Variants in ZNF445 observed in about 807,000 individuals in gnomAD.
ZNF445 encodes the protein zinc finger protein 445.
A neutral mutation model predicts 93.9 loss-of-function variants in ZNF445; 19 were observed. That is an observed-to-expected ratio of 0.20 (90% CI 0.14 to 0.30). ZNF445 has a LOEUF of 0.30. Ranked by LOEUF, ZNF445 falls within the 10% of genes least tolerant of loss-of-function variation. The pLI, the probability that ZNF445 is intolerant of heterozygous loss-of-function variation, is 1.00. For synonymous variants in ZNF445, 449 were observed against 446.3 expected (o/e 1.01, Z -0.08); for missense variants, 1,058 against 1,259.4 (o/e 0.84, Z 2.42).
In ZNF445 at chr3:44,477,614, T is replaced by G. The variant is rs1698386388; in HGVS notation, c.-292A>C. On this transcript the variant is annotated 5_prime_UTR_variant, in exon 1 of 8. Coordinates refer to ENST00000396077, the MANE Select transcript of ZNF445 (RefSeq NM_181489.6). Reference sequence around the variant, plus strand: ...ACCGACTCCCGCCGCCGAGCGACAATCGGTCCACCCGCCGCCACCGCAGCC... The same window carrying G: ...ACCGACTCCCGCCGCCGAGCGACAAGCGGTCCACCCGCCGCCACCGCAGCC... 1 of 149,642 alleles carries G rather than the reference T, an allele frequency of 6.7e-6. No individual in the cohort carries two copies. The highest frequency in any genetic ancestry group is 2.5e-5 in the African/African-American group (1 of 40,578). 9.3% of individuals were successfully genotyped at this position (149,642 alleles called of 1,614,324 possible).
In ZNF445 at chr3:44,445,296, A is replaced by G. The variant is rs1250738067; in HGVS notation, c.*1279T>C. On this transcript the variant is annotated 3_prime_UTR_variant, in exon 8 of 8. Transcript: ENST00000396077. ...AGTCTGATTTATGGGAACTGGCAGCAAGGCTAACTGCATGAGAAGCCTTTC... is the reference window on the plus strand; with the variant it reads ...AGTCTGATTTATGGGAACTGGCAGCGAGGCTAACTGCATGAGAAGCCTTTC... The G allele has an allele frequency of 6.6e-6, 1 of 152,296 alleles. No individual in the cohort carries two copies. Among genetic ancestry groups the G allele is most frequent in the African/African-American group, 2.4e-5 (1 of 41,458 alleles). 9.4% of individuals were successfully genotyped at this position (152,296 alleles called of 1,614,324 possible).
At chr3:44,466,423 G>A (rs1239350755) in intron 1 of ZNF445, among the ~76,000 whole-genome samples, 1 of 152,144 alleles carries the variant, frequency 6.6e-6, no homozygotes, top group Non-Finnish European at 1.5e-5. Context: ...AATATGAAAT[G>A]GTGTTTGGCT....
Position 44,447,583 on chromosome 3 carries a change from G to A in ZNF445, c.2088C>T (p.Leu696=), listed in dbSNP as rs772263680. The A allele has an allele frequency of 6.2e-6, 10 of 1,614,030 alleles. No individual in the cohort carries two copies. Among genetic ancestry groups the A allele is most frequent in the South Asian group, 4.4e-5 (4 of 91,084 alleles). The change falls in exon 8 of 8, where the codon CTC becomes CTT. Residue 696 remains leucine, a synonymous_variant. Coordinates refer to ENST00000396077, the MANE Select transcript of ZNF445 (RefSeq NM_181489.6). The surrounding 1 kb of genome is among the most constrained non-coding windows in gnomAD (Gnocchi z 4.7). ...CGKTFTRKKT[L]VDHQRIHTGE... ...CTGTGTGAATTCTCTGGTGGTCAACGAGAGTTTTCTTTCTAGTAAAAGTTT... is the reference window on the plus strand; with the variant it reads ...CTGTGTGAATTCTCTGGTGGTCAACAAGAGTTTTCTTTCTAGTAAAAGTTT...
rs1366054607 is a variant in ZNF445 at position 44,447,219 on chromosome 3, A to T, written c.2452T>A (p.Tyr818Asn). 5 of 1,614,142 alleles carry T rather than the reference A, an allele frequency of 3.1e-6. No individual in the cohort carries two copies. The highest frequency in any genetic ancestry group is 4.2e-6 in the Non-Finnish European group (5 of 1,180,030). ...GTCTTTTCACTTTCATGGCAATCAT[A>T]CTGTTTTTGAAGAGAGTGAATCCTC... Reference protein sequence around the residue: ...HQRIHSLQKQYDCHESEKTPN... With the variant: ...HQRIHSLQKQNDCHESEKTPN... The change falls in exon 8 of 8, where the codon TAT (tyrosine) becomes AAT (asparagine). Residue 818 changes from tyrosine to asparagine, a missense_variant. Physicochemically the swap from Tyr to Asn is moderately radical, Grantham distance 143 (BLOSUM62 -2). This residue lies in a region of ZNF445 where 387 missense variants were observed against 475.7 expected (regional missense o/e 0.81). Transcript: ENST00000396077. The surrounding 1 kb of genome is among the most constrained non-coding windows in gnomAD (Gnocchi z 4.7).
Position 44,443,847 on chromosome 3 carries a change from A to G in ZNF445, c.*2728T>C, listed in dbSNP as rs1697843047. On this transcript the variant is annotated 3_prime_UTR_variant, in exon 8 of 8. Coordinates refer to ENST00000396077, the MANE Select transcript of ZNF445 (RefSeq NM_181489.6). ...TAGAAATAAGCACATTTCATTCTAT[A>G]AAAATGACAGGTCAGGCACAGTGGC... 1 of 151,394 alleles carries G rather than the reference A, an allele frequency of 6.6e-6. No individual in the cohort carries two copies. The highest frequency in any genetic ancestry group is 1.5e-5 in the Non-Finnish European group (1 of 67,850). The allele number at this position is 151,394 out of a possible 1,614,324, so 9.4% of individuals were successfully genotyped here.
chr3:44,457,952 A>T (rs1384003911), intron 2 of ZNF445, among the ~76,000 whole-genome samples: 1 of 148,776 alleles, frequency 6.7e-6, no homozygotes, highest in African/African-American at 2.5e-5. Context: ...GGTAGAGGTT[A>T]CAGTGAGCCA....
At chr3:44,460,721 T>G (rs1239756797) in intron 1 of ZNF445, among the ~76,000 whole-genome samples, 3 of 152,228 alleles carry the variant, frequency 2.0e-5, no homozygotes, top group South Asian at 2.1e-4. Flanking sequence ...GAGACTGATT[T>G]GAGTAATACA....
At position 44,446,364 on chromosome 3, in the gene ZNF445, C is replaced by T. The variant is rs1697877320; in HGVS notation, c.*211G>A. 1 of 663,812 alleles carries T rather than the reference C, an allele frequency of 1.5e-6. No homozygotes were observed. Among genetic ancestry groups the T allele is most frequent in the Non-Finnish European group, 2.5e-6 (1 of 404,312 alleles). The allele number at this position is 663,812 out of a possible 1,614,324, so 41.1% of individuals were successfully genotyped here. On this transcript the variant is annotated 3_prime_UTR_variant, in exon 8 of 8. Coordinates refer to ENST00000396077, the MANE Select transcript of ZNF445 (RefSeq NM_181489.6). This position sits in a 1 kb window ranked among gnomAD's most constrained non-coding sequence, Gnocchi z 4.2. The stretch of plus-strand genomic sequence containing the variant: ...AGGGGCCGGAGTCTCCAGAAGGGCT[C>T]CAAAGGACATGGTGCTGCACTTCCC...
Position 44,458,271 on chromosome 3 carries a change from A to C in ZNF445, c.-175T>G, listed in dbSNP as rs1449557676. 1 of 152,248 alleles carries C rather than the reference A, an allele frequency of 6.6e-6. No homozygotes were observed. The highest frequency in any genetic ancestry group is 1.5e-5 in the Non-Finnish European group (1 of 68,118). The allele number at this position is 152,248 out of a possible 1,614,324, so 9.4% of individuals were successfully genotyped here. A position where few individuals can be genotyped will look rare whatever the true frequency, so the allele number is the denominator to read the frequency against. ...GTAGTCCCAGCTACTCGGGAGGCTG[A>C]GGCAGAAGAATCACTTGAACCCAGG... is the stretch of plus-strand genomic sequence containing the variant. On this transcript the variant is annotated 5_prime_UTR_variant, in exon 2 of 8. Transcript: ENST00000396077.
In ZNF445 at chr3:44,444,178, G is replaced by A. The variant is rs1448534011; in HGVS notation, c.*2397C>T. On this transcript the variant is annotated 3_prime_UTR_variant, in exon 8 of 8. Transcript: ENST00000396077. ...TAAAAATATCCCTATACTGGGGCAG[G>A]AACTTTACAAGGTATCCTGTGGCAA... 1.3e-5 allele frequency: 2 copies of A among 152,176 alleles called. No homozygotes were observed. The highest frequency in any genetic ancestry group is 2.9e-5 in the Non-Finnish European group (2 of 68,056). The allele number at this position is 152,176 out of a possible 1,614,324, so 9.4% of individuals were successfully genotyped here.
At position 44,471,238 on chromosome 3, in the gene ZNF445, C is replaced by T. The variant is rs575147455; in HGVS notation, c.-269+6353G>A. Among the ~76,000 whole-genome samples, 4 of 152,262 alleles carry T rather than the reference C, an allele frequency of 2.6e-5. No individual in the cohort carries two copies. In the South Asian group the frequency reaches 6.2e-4, roughly 24 times the overall value. Reference sequence around the variant, plus strand: ...ATCAGTATCTTCTTGTCCCTAAAAGCTTCTTTATCTAGAAGTAAAAGTACC... The same window carrying T: ...ATCAGTATCTTCTTGTCCCTAAAAGTTTCTTTATCTAGAAGTAAAAGTACC... On this transcript the variant is annotated intron_variant, in intron 1 of 7. Coordinates refer to ENST00000396077, the MANE Select transcript of ZNF445 (RefSeq NM_181489.6).
chr3:44,475,604 T>C (rs1698336894), intron 1 of ZNF445, among the ~76,000 whole-genome samples: 1 of 152,272 alleles, frequency 6.6e-6, no homozygotes, highest in South Asian at 2.1e-4. Context: ...TAATTTGTCA[T>C]ATATTTATTG....
chr3:44,449,991 AGTGCAGTG>A, intron 6 of ZNF445: 1 of 298,748 alleles, frequency 3.3e-6, no homozygotes, highest in South Asian at 3.3e-5. Flanking sequence ...CCCAAGCTGG[AGTGCAGTG>A]GTGCGATCTT....
At position 44,449,554 on chromosome 3, in the gene ZNF445, T is replaced by G. The variant is rs1176750145; in HGVS notation, c.890A>C (p.Gln297Pro). The change falls in exon 7 of 8, where the codon CAG becomes CCG. Residue 297 changes from glutamine (Q) to proline (P), a missense_variant. This residue lies in a region of ZNF445 where 657 missense variants were observed against 746.4 expected (regional missense o/e 0.88). Transcript: ENST00000396077. ...EAREPWGLNM[Q>P]AAQPKGNPVA... The stretch of plus-strand genomic sequence containing the variant: ...TGGATTCCCCTTAGGCTGAGCTGCC[T>G]GCATGTTCAGGCCCCATGGCTCCCT... 6.2e-7 allele frequency: 1 copy of G among 1,614,150 alleles called. No individual in the cohort carries two copies. Among genetic ancestry groups the G allele is most frequent in the Admixed American group, 1.7e-5 (1 of 60,024 alleles).
intron 1 of ZNF445, among the ~76,000 whole-genome samples, chr3:44,466,218 AGAAT>A (rs1349322739): frequency 6.6e-6 from 1 of 152,212 alleles, no homozygotes; most frequent in African/African-American, 2.4e-5. Flanking sequence ...TTTTGGCCAA[AGAAT>A]GATTTATGGT....
chr3:44,435,190 C>T lies in ZNF445; in HGVS notation c.*11385G>A, dbSNP rs748314855. ...ACCTTTCCCCATGCCTCAGACCACC[C>T]TACTTCTCTAACCTATAAATCTCTC... On this transcript the variant is annotated 3_prime_UTR_variant, in exon 8 of 8. Coordinates refer to ENST00000396077, the MANE Select transcript of ZNF445 (RefSeq NM_181489.6). 1 of 152,204 alleles carries T rather than the reference C, an allele frequency of 6.6e-6. No individual in the cohort carries two copies. Among genetic ancestry groups the T allele is most frequent in the Non-Finnish European group, 1.5e-5 (1 of 68,034 alleles). 9.4% of individuals were successfully genotyped at this position (152,204 alleles called of 1,614,324 possible).
rs901004457 is a variant in ZNF445, at chr3:44,434,030, T to C, written c.*12545A>G. The C allele has an allele frequency of 2.6e-5, 4 of 152,094 alleles. No individual in the cohort carries two copies. Among genetic ancestry groups the C allele is most frequent in the African/African-American group, 7.2e-5 (3 of 41,426 alleles). The allele number at this position is 152,094 out of a possible 1,614,324, so 9.4% of individuals were successfully genotyped here. On this transcript the variant is annotated 3_prime_UTR_variant, in exon 8 of 8. Transcript: ENST00000396077. ...AAAACAGTTTGGCATTTCCCCAAAA[T>C]GTTAAATGTGGAATTATGTGATTCA...
chr3:44,448,551 T>C lies in ZNF445; in HGVS notation c.1120A>G (p.Lys374Glu). Residue 374 changes from lysine (K) to glutamate (E), a missense_variant, in exon 8 of 8, where the codon AAG becomes GAG. Lys to Glu is a moderately conservative substitution (Grantham distance 56, BLOSUM62 1). Coordinates refer to ENST00000396077, the MANE Select transcript of ZNF445 (RefSeq NM_181489.6). ...TGACTGAAATTGGTCTCTTCTTTCT[T>C]AACTCTTACTTGTATGGGATTTTCA... ...QCENPIQVRV[K>E]KEETNFSHRT... is the part of the protein sequence containing the mutation. The C allele has an allele frequency of 6.2e-7, 1 of 1,614,142 alleles. No individual in the cohort carries two copies. The highest frequency in any genetic ancestry group is 8.5e-7 in the Non-Finnish European group (1 of 1,180,036).
rs919213953 is a variant in ZNF445, at chr3:44,434,644, G to A, written c.*11931C>T. ...CTGGGAACTAGATCATGAGCTGGGC[G>A]GCAGAGTTGAGGCAGCCTTGAGATA... On this transcript the variant is annotated 3_prime_UTR_variant, in exon 8 of 8. Transcript: ENST00000396077. 3.3e-5 allele frequency: 5 copies of A among 152,316 alleles called. No homozygotes were observed. Among genetic ancestry groups the A allele is most frequent in the African/African-American group, 7.2e-5 (3 of 41,558 alleles). 9.4% of individuals were successfully genotyped at this position (152,316 alleles called of 1,614,324 possible).
Sources: allele counts gnomAD v4.1 joint callset (sites outside exome capture counted in the v4.1 genomes callset), GRCh38; gene constraint gnomAD v4.1.1; regional missense constraint gnomAD v4.1.1; non-coding constraint Gnocchi (gnomAD v3.1); transcripts MANE v1.5; gene names NCBI Gene and HGNC (gene_info 2026-07-23, HGNC 2026-07-21).